Variants in B3GALT1 observed in about 807,000 individuals in gnomAD.
B3GALT1 encodes the protein beta-1,3-galactosyltransferase 1, also known as UDP-Gal:betaGlcNAc beta 1,3-galactosyltransferase, polypeptide 1.
B3GALT1 carries 10 observed loss-of-function variants against 23.2 expected under a neutral mutation model. That is an observed-to-expected ratio of 0.43 (90% CI 0.27 to 0.73). The LOEUF (loss-of-function observed/expected upper bound fraction) is 0.73. Ranked by LOEUF, B3GALT1 falls within the 30% of genes least tolerant of loss-of-function variation. B3GALT1 has a pLI of 0.21. For missense variants in B3GALT1, 299 were observed against 405.4 expected (o/e 0.74, Z 2.25); for synonymous variants, 156 against 141.5 (o/e 1.10, Z -0.73).
intron 3 of B3GALT1, among the ~76,000 whole-genome samples, chr2:167,729,077 T>C: frequency 6.6e-6 from 1 of 152,196 alleles, no homozygotes. Flanking sequence ...TTCAGTACAC[T>C]GGAAAGAAAG....
intron 1 of B3GALT1, among the ~76,000 whole-genome samples, chr2:167,381,877 A>G (rs950513472): frequency 1.3e-5 from 2 of 152,204 alleles, no homozygotes; most frequent in African/African-American, 2.4e-5. Flanking sequence ...TTTACCTACA[A>G]TTTTGATCAG....
chr2:167,503,492 A>G (rs1574107084), intron 2 of B3GALT1, among the ~76,000 whole-genome samples: 1 of 152,222 alleles, frequency 6.6e-6, no homozygotes, highest in East Asian at 1.9e-4. Context: ...TAATGTCAAA[A>G]TAAAGAAGCT....
chr2:167,588,057 G>A (rs2105413133), intron 2 of B3GALT1, among the ~76,000 whole-genome samples: 1 of 152,230 alleles, frequency 6.6e-6, no homozygotes, highest in South Asian at 2.1e-4. Flanking sequence ...TTTGCTTACT[G>A]ATCCTGATGA....
chr2:167,544,257 C>A (rs1694715674), intron 2 of B3GALT1, among the ~76,000 whole-genome samples: 1 of 152,096 alleles, frequency 6.6e-6, no homozygotes, highest in African/African-American at 2.4e-5. Flanking sequence ...TACATTGCTG[C>A]CCTTAAAAAT....
chr2:167,836,296 G>A (rs1166685624), intron 4 of B3GALT1, among the ~76,000 whole-genome samples: 2 of 152,150 alleles, frequency 1.3e-5, no homozygotes, highest in Admixed American at 6.5e-5. Context: ...TTAGAAGAAT[G>A]TATAACTAGA....
At chr2:167,587,908 T>C (rs1389716598) in intron 2 of B3GALT1, among the ~76,000 whole-genome samples, 2 of 152,222 alleles carry the variant, frequency 1.3e-5, no homozygotes, top group Admixed American at 1.3e-4. Context: ...TTTACTGTCC[T>C]TTAGAAACAG....
At chr2:167,498,862 A>G (rs902984204) in intron 2 of B3GALT1, among the ~76,000 whole-genome samples, 1 of 152,128 alleles carries the variant, frequency 6.6e-6, no homozygotes, top group African/African-American at 2.4e-5. Context: ...TCAGTCTTTT[A>G]TAACTTCCTA....
At chr2:167,568,572 A>G (rs1447219865) in intron 2 of B3GALT1, among the ~76,000 whole-genome samples, 1 of 151,778 alleles carries the variant, frequency 6.6e-6, no homozygotes, top group Non-Finnish European at 1.5e-5. Context: ...CCCATTTTTT[A>G]ATTGGGTTGT....
chr2:167,715,461 C>G lies in B3GALT1; in HGVS notation c.-352+68495C>G, dbSNP rs143465417. On this transcript the variant is annotated intron_variant, in intron 3 of 4. Transcript: ENST00000392690. ...TCTTTTATTGCTATCGCCCGTCGTT[C>G]TTCAGTCATTGGAAGAATCTTGCAG... is the stretch of plus-strand genomic sequence containing the variant. 3.5e-5 allele frequency: 57 copies of G among 1,607,910 alleles called. No homozygotes were observed. In the East Asian group the frequency reaches 1.2e-3, roughly 35 times the overall value.
chr2:167,608,962 G>T (rs1431582886), intron 2 of B3GALT1, among the ~76,000 whole-genome samples: 2 of 152,086 alleles, frequency 1.3e-5, no homozygotes, highest in Admixed American at 1.3e-4. Flanking sequence ...CATTGACTCA[G>T]TGATGGGATC....
At chr2:167,777,735 G>A (rs1035097668) in intron 3 of B3GALT1, among the ~76,000 whole-genome samples, 9 of 152,148 alleles carry the variant, frequency 5.9e-5, no homozygotes, top group South Asian at 4.1e-4. Flanking sequence ...CAATTACAAC[G>A]TGACATATTT....
intron 4 of B3GALT1, among the ~76,000 whole-genome samples, chr2:167,855,298 C>G (rs1689979833): frequency 6.6e-6 from 1 of 152,088 alleles, no homozygotes. Flanking sequence ...GGTGTATAGA[C>G]CTACATATTA....
At chr2:167,658,718 C>T (rs1686001236) in intron 3 of B3GALT1, among the ~76,000 whole-genome samples, 1 of 151,996 alleles carries the variant, frequency 6.6e-6, no homozygotes, top group African/African-American at 2.4e-5. Flanking sequence ...GCATTTACTG[C>T]CTCATATCTA....
At chr2:167,773,690 A>G (rs1688110367) in intron 3 of B3GALT1, among the ~76,000 whole-genome samples, 2 of 152,210 alleles carry the variant, frequency 1.3e-5, no homozygotes, top group African/African-American at 4.8e-5. Context: ...CTGCATGGAG[A>G]CCGCTCAACT....
intron 2 of B3GALT1, among the ~76,000 whole-genome samples, chr2:167,560,606 G>A (rs1170890917): frequency 6.6e-6 from 1 of 151,956 alleles, no homozygotes; most frequent in African/African-American, 2.4e-5. Context: ...AAAGGATGGA[G>A]GAAGATCTAC....
intron 3 of B3GALT1, among the ~76,000 whole-genome samples, chr2:167,675,898 C>G (rs1686416413): frequency 6.6e-6 from 1 of 150,960 alleles, no homozygotes; most frequent in African/African-American, 2.4e-5. Flanking sequence ...ATCCCTAGCC[C>G]CCACCCACTG....
At chr2:167,442,322 A>C (rs969593308) in intron 1 of B3GALT1, among the ~76,000 whole-genome samples, 1 of 152,156 alleles carries the variant, frequency 6.6e-6, no homozygotes, top group African/African-American at 2.4e-5. Flanking sequence ...TATTGTGAAT[A>C]ATGCCGCAAT....
chr2:167,366,692 T>G (rs1187654479), intron 1 of B3GALT1, among the ~76,000 whole-genome samples: 2 of 152,234 alleles, frequency 1.3e-5, no homozygotes, highest in African/African-American at 4.8e-5. Flanking sequence ...GTTGCTCATC[T>G]CTGCTTCGTG....
chr2:167,618,465 T>C (rs1283525749), intron 2 of B3GALT1, among the ~76,000 whole-genome samples: 1 of 151,932 alleles, frequency 6.6e-6, no homozygotes, highest in Non-Finnish European at 1.5e-5. Flanking sequence ...CCAGGATACC[T>C]CTATATGTAT....
Sources: allele counts gnomAD v4.1 joint callset (sites outside exome capture counted in the v4.1 genomes callset), GRCh38; gene constraint gnomAD v4.1.1; transcripts MANE v1.5; gene names NCBI Gene and HGNC (gene_info 2026-07-23, HGNC 2026-07-21).